Variants in RPS6KA5 observed in about 807,000 individuals in gnomAD.
RPS6KA5 encodes ribosomal protein S6 kinase alpha-5.
A neutral mutation model predicts 85.5 loss-of-function variants in RPS6KA5; 27 were observed. That is an observed-to-expected ratio of 0.32 (90% confidence interval 0.23 to 0.44). The LOEUF is 0.44. RPS6KA5 is among the 20% of genes least tolerant of loss of function. The pLI, the probability that RPS6KA5 is intolerant of heterozygous loss-of-function variation, is 1.00. For synonymous variants in RPS6KA5, 334 were observed against 348.2 expected, an observed-to-expected ratio of 0.96 and a Z score of 0.46; for missense variants, 811 against 980.9, an observed-to-expected ratio of 0.83 and a Z score of 2.31.
intron 1 of RPS6KA5, among the ~76,000 whole-genome samples, chr14:91,027,145 T>C (rs2042017572): frequency 6.6e-6 from 1 of 152,236 alleles, no homozygotes; most frequent in Non-Finnish European, 1.5e-5. Flanking sequence ...TTGTCAATTT[T>C]TGTTTTTCTT....
intron 4 of RPS6KA5, among the ~76,000 whole-genome samples, chr14:90,944,493 C>T (rs181991524): frequency 1.6e-4 from 25 of 152,006 alleles, no homozygotes; most frequent in Admixed American, 5.9e-4. Context: ...TGGTGGCTAA[C>T]GCCCGTAATC....
rs1373767559 is a variant in RPS6KA5 at position 90,860,286 on chromosome 14, C to A, written c.*11788G>T. 1.3e-5 allele frequency: 2 copies of A among 152,218 alleles called. No homozygotes were observed. The allele number at this position is 152,218 out of a possible 1,614,324, so 9.4% of individuals were successfully genotyped here. A position where few individuals can be genotyped will look rare whatever the true frequency, so the allele number is the denominator to read the frequency against. ...CAGTAGCTCACACCTGTAATCCCAG[C>A]ACTTTGGGAGGCCGAGGTGGGCAGA... On this transcript the variant is annotated 3_prime_UTR_variant, in exon 17 of 17. Coordinates refer to ENST00000614987, the MANE Select transcript of RPS6KA5 (RefSeq NM_004755.4).
chr14:90,966,784 C>T (rs529156558), intron 3 of RPS6KA5, among the ~76,000 whole-genome samples: 1 of 152,062 alleles, frequency 6.6e-6, no homozygotes, highest in East Asian at 1.9e-4. Flanking sequence ...AACTAACTGC[C>T]GTAGCCACAT....
At chr14:91,018,561 C>T (rs926458871) in intron 1 of RPS6KA5, among the ~76,000 whole-genome samples, 4 of 152,198 alleles carry the variant, frequency 2.6e-5, no homozygotes, top group Admixed American at 1.3e-4. Flanking sequence ...AATCTTCTGG[C>T]TTTCATCTTT....
intron 9 of RPS6KA5, 51 bp from the exon 10 acceptor site, chr14:90,900,787 T>C (rs1367445855): frequency 1.3e-6 from 2 of 1,518,210 alleles, no homozygotes; most frequent in South Asian, 1.2e-5. Context: ...AGTTTTCCAG[T>C]TTAACACAGA....
At chr14:90,961,050 G>T (rs947478665) in intron 3 of RPS6KA5, among the ~76,000 whole-genome samples, 1 of 152,102 alleles carries the variant, frequency 6.6e-6, no homozygotes, top group African/African-American at 2.4e-5. Context: ...ACAAGAATCC[G>T]GATGTAAAAC....
At chr14:90,885,767 A>AAAAAAGAAAAAAG in intron 14 of RPS6KA5, among the ~76,000 whole-genome samples, 1 of 139,898 alleles carries the variant, frequency 7.1e-6, no homozygotes, top group African/African-American at 2.7e-5. Context: ...AAAAAAAAAA[A>AAAAAAGAAAAAAG]AAAAAAGAAA....
At chr14:90,921,252 A>C (rs902885174) in intron 6 of RPS6KA5, among the ~76,000 whole-genome samples, 1 of 152,348 alleles carries the variant, frequency 6.6e-6, no homozygotes, top group Middle Eastern at 3.4e-3. Context: ...CATACAAAAC[A>C]CATCAGGCAG....
intron 1 of RPS6KA5, among the ~76,000 whole-genome samples, chr14:91,025,764 T>C (rs2041966317): frequency 6.7e-6 from 1 of 150,360 alleles, no homozygotes; most frequent in Non-Finnish European, 1.5e-5. Context: ...CAACTCCATC[T>C]CCATCTGCCC....
chr14:90,943,222 T>G, intron 4 of RPS6KA5, 37 bp from the exon 5 acceptor site: 3 of 1,204,506 alleles, frequency 2.5e-6, no homozygotes, highest in Non-Finnish European at 2.4e-6. Context: ...TAAAATAATT[T>G]ACAAAAAAAT....
rs557444169 is a variant in RPS6KA5 at position 90,966,177 on chromosome 14, T to G, written c.394+12129A>C. 3.3e-5 allele frequency among the ~76,000 whole-genome samples: 5 copies of G among 152,312 alleles called. No individual in the cohort carries two copies. The South Asian group carries it at 1.0e-3, about 32-fold the overall frequency. ...GCAGATATGTGTCCTGGGAGTCAAT[T>G]AGCTACAGAATTGAGGGAAGTGGCT... On this transcript the variant is annotated intron_variant, in intron 3 of 16. Coordinates refer to ENST00000614987, the MANE Select transcript of RPS6KA5 (RefSeq NM_004755.4).
intron 1 of RPS6KA5, among the ~76,000 whole-genome samples, chr14:91,011,182 G>A (rs1566861030): frequency 6.6e-6 from 1 of 152,094 alleles, no homozygotes; most frequent in Non-Finnish European, 1.5e-5. Context: ...AAGATAGACT[G>A]GACAAAATGG....
intron 2 of RPS6KA5, among the ~76,000 whole-genome samples, chr14:90,983,232 G>A (rs192395186): frequency 1.3e-4 from 19 of 149,534 alleles, no homozygotes; most frequent in African/African-American, 4.7e-4. Context: ...AGCCAAGGTC[G>A]CGCCATTTCA....
At chr14:90,977,584 T>C (rs960267236) in intron 3 of RPS6KA5, among the ~76,000 whole-genome samples, 1 of 152,124 alleles carries the variant, frequency 6.6e-6, no homozygotes, top group African/African-American at 2.4e-5. Context: ...TTCTTTTTTC[T>C]TTTTCTCCAT....
intron 7 of RPS6KA5, among the ~76,000 whole-genome samples, chr14:90,908,324 G>C (rs2035622661): frequency 6.6e-6 from 1 of 152,238 alleles, no homozygotes; most frequent in Non-Finnish European, 1.5e-5. Flanking sequence ...AAATCTGAAA[G>C]CATGTCGGCG....
intron 5 of RPS6KA5, among the ~76,000 whole-genome samples, chr14:90,937,274 G>A (rs968894667): frequency 1.8e-4 from 27 of 152,050 alleles, no homozygotes; most frequent in African/African-American, 5.8e-4. Context: ...AGATGGTGGC[G>A]GGGTAGGGGG....
Position 90,871,869 on chromosome 14 carries a change from G to C in RPS6KA5, c.*205C>G, listed in dbSNP as rs1390048133. The C allele has an allele frequency of 1.4e-5, 8 of 554,710 alleles. No homozygotes were observed. The highest frequency in any genetic ancestry group is 2.1e-5 in the Non-Finnish European group (7 of 327,496). The allele number at this position is 554,710 out of a possible 1,614,324, so 34.4% of individuals were successfully genotyped here. On this transcript the variant is annotated 3_prime_UTR_variant, in exon 17 of 17. Coordinates refer to ENST00000614987, the MANE Select transcript of RPS6KA5 (RefSeq NM_004755.4). Reference sequence around the variant, plus strand: ...TGGCATCATGCTAGGTTGCTAAAAAGAGTAATATGTGCTCTATTCACAGTA... The same window carrying C: ...TGGCATCATGCTAGGTTGCTAAAAACAGTAATATGTGCTCTATTCACAGTA...
At chr14:91,052,799 A>T (rs573284454) in intron 1 of RPS6KA5, among the ~76,000 whole-genome samples, 1 of 146,146 alleles carries the variant, frequency 6.8e-6, no homozygotes, top group African/African-American at 2.6e-5. Context: ...GCGTCACTGT[A>T]CTCCAGCCTG....
intron 2 of RPS6KA5, among the ~76,000 whole-genome samples, chr14:90,998,362 G>T (rs1055950021): frequency 6.6e-6 from 1 of 152,152 alleles, no homozygotes; most frequent in Non-Finnish European, 1.5e-5. Flanking sequence ...GAACAATATG[G>T]TACGTGAGTT....
Sources: gnomAD v4.1 joint callset for allele counts (sites outside exome capture counted in the v4.1 genomes callset) on GRCh38, gnomAD v4.1.1 for gene constraint, MANE v1.5 for transcripts, NCBI Gene and HGNC (gene_info 2026-07-23, HGNC 2026-07-21) for gene names.